The following SCN4A variants were observed in gnomAD, a reference collection of about 807,000 sequenced individuals.
The protein encoded by SCN4A is sodium channel protein type 4 subunit alpha.
A neutral mutation model predicts 162.0 loss-of-function variants in SCN4A; 83 were observed. The observed-to-expected ratio is 0.51, with a 90% CI of 0.43 to 0.61. SCN4A has a LOEUF of 0.61. Ranked by LOEUF, SCN4A falls within the 20% of genes least tolerant of loss-of-function variation. The pLI is 0.00. For synonymous variants in SCN4A, 944 were observed against 985.1 expected (o/e 0.96, Z 0.78); for missense variants, 2,196 against 2,462.5 (o/e 0.89, Z 2.29).
chr17:63,944,114 A>AC lies in SCN4A; in HGVS notation c.3913-265dup, dbSNP rs910121812. 1.3e-5 allele frequency among the ~76,000 whole-genome samples: 2 copies of AC among 151,370 alleles called. No homozygotes were observed. Among genetic ancestry groups the AC allele is most frequent in the African/African-American group, 4.9e-5 (2 of 41,210 alleles). Reference sequence around the variant, plus strand: ...CAACATCTCGCTGAGCCCTAGAGTAACCCACAAGGCAGGTTGTAGCAGCCT... The same window carrying AC: ...CAACATCTCGCTGAGCCCTAGAGTAACCCCACAAGGCAGGTTGTAGCAGCCT... On this transcript the variant is annotated intron_variant, in intron 21 of 23. Transcript: ENST00000435607. This position sits in a 1 kb window ranked among gnomAD's most constrained non-coding sequence, Gnocchi z 4.3.
intron 8 of SCN4A, 27 bp downstream of exon 8, chr17:63,966,075 T>C: frequency 8.3e-7 from 1 of 1,210,750 alleles, no homozygotes; most frequent in Non-Finnish European, 1.1e-6. Flanking sequence ...GCTGTAGGGT[T>C]GGGGGGCAGG....
intron 23 of SCN4A, 91 bp from the exon 24 acceptor site, chr17:63,942,084 G>A: frequency 7.9e-7 from 1 of 1,265,406 alleles, no homozygotes; most frequent in Admixed American, 2.8e-5. Context: ...GGCCCGGCCT[G>A]GTGTGCTCTG....
At position 63,964,479 on chromosome 17, in the gene SCN4A, C is replaced by A. The variant is rs368193040; in HGVS notation, c.1441G>T (p.Glu481Ter). 2.0e-5 allele frequency: 32 copies of A among 1,613,844 alleles called. No individual in the cohort carries two copies. Among genetic ancestry groups the A allele is most frequent in the Non-Finnish European group, 2.5e-5 (29 of 1,179,868 alleles). The change falls in exon 9 of 24, where the codon GAG (glutamate) becomes TAG (stop). Residue 481 changes from glutamate (E) to a stop codon, truncating the protein, a stop_gained. Coordinates refer to ENST00000435607, the MANE Select transcript of SCN4A (RefSeq NM_000334.4). LOFTEE classifies it high-confidence loss of function. ...MLEKFKKHQE[E>*]LEKAKAAQAL... is the part of the protein sequence containing the mutation. ...CCCTGAGTCCAGACCTTCTCCAGCT[C>A]CTCCTGGTGCTTTTTGAACTTCTCA... is the stretch of plus-strand genomic sequence containing the variant.
chr17:63,943,748 G>A lies in SCN4A; in HGVS notation c.4015C>T (p.Gln1339Ter). 6.3e-7 allele frequency: 1 copy of A among 1,596,314 alleles called. No individual in the cohort carries two copies. The highest frequency in any genetic ancestry group is 8.6e-7 in the Non-Finnish European group (1 of 1,164,016). ...KKPQKPIPRP[Q>*]NKIQGMVYDL... ...ACAGGGGGCCCAGAGGTCTGTACCT[G>A]GGGCCGGGGAATTGGCTTCTGAGGC... The change falls in exon 22 of 24, where the codon CAG (glutamine) becomes TAG (stop). Residue 1339 changes from glutamine (Q) to a stop codon, truncating the protein, a stop_gained and splice_region_variant. Coordinates refer to ENST00000435607, the MANE Select transcript of SCN4A (RefSeq NM_000334.4). LOFTEE classifies it high-confidence loss of function.
chr17:63,961,058 T>C (rs1213684556), intron 11 of SCN4A, 135 bp downstream of exon 11: 3 of 217,812 alleles, frequency 1.4e-5, no homozygotes, highest in African/African-American at 8.9e-5. Context: ...GCCTCCCATA[T>C]GCTGGGAAAA....
chr17:63,961,517 C>A, intron 10 of SCN4A, 86 bp from the exon 11 acceptor site: 2 of 952,984 alleles, frequency 2.1e-6, no homozygotes, highest in East Asian at 2.4e-5. Flanking sequence ...TTCCACCTTC[C>A]AAGCCCCGCC....
At chr17:63,969,523 A>T (rs1382560189) in intron 5 of SCN4A, among the ~76,000 whole-genome samples, 1 of 152,226 alleles carries the variant, frequency 6.6e-6, no homozygotes, top group Non-Finnish European at 1.5e-5. Context: ...TCAGTGGCCA[A>T]TGTACAGTGT....
Position 63,968,365 on chromosome 17 carries a change from G to A in SCN4A, c.704-10C>T, listed in dbSNP as rs1909520562. The A allele has an allele frequency of 1.3e-6, 2 of 1,579,056 alleles. No homozygotes were observed. The highest frequency in any genetic ancestry group is 2.7e-5 in the African/African-American group (2 of 74,500). ...ACGATCGTCTTCAGCCCTGACCGCA[G>A]AGAGGGCAAGGATATTGGCAGGGGG... On this transcript the variant is annotated splice_polypyrimidine_tract_variant and intron_variant, in intron 5 of 23. Transcript: ENST00000435607.
chr17:63,944,685 C>T lies in SCN4A; in HGVS notation c.3900G>A (p.Gln1300=). ...FIGVIIDNFN[Q]QKKKLGGKDI... is the part of the protein sequence containing the mutation. Reference sequence around the variant, plus strand: ...GGCTGATACTCATCTTCTTCTTCTGCTGGTTGAAGTTGTCAATGATGACGC... The same window carrying T: ...GGCTGATACTCATCTTCTTCTTCTGTTGGTTGAAGTTGTCAATGATGACGC... Residue 1300 remains glutamine (Q), a synonymous_variant, in exon 21 of 24, where the codon CAG becomes CAA. Coordinates refer to ENST00000435607, the MANE Select transcript of SCN4A (RefSeq NM_000334.4). The surrounding 1 kb of genome is among the most constrained non-coding windows in gnomAD (Gnocchi z 4.3). 1 of 1,606,390 alleles carries T rather than the reference C, an allele frequency of 6.2e-7. No individual in the cohort carries two copies. Among genetic ancestry groups the T allele is most frequent in the South Asian group, 1.1e-5 (1 of 89,742 alleles).
At chr17:63,943,951 C>T (rs1418075468) in intron 21 of SCN4A, 101 bp from the exon 22 acceptor site, 13 of 720,364 alleles carry the variant, frequency 1.8e-5, no homozygotes, top group South Asian at 3.1e-5. Flanking sequence ...AGGCAGCCCC[C>T]GCCCCTGTTG....
At chr17:63,949,257 C>T in intron 15 of SCN4A, 136 bp downstream of exon 15, 1 of 930,260 alleles carries the variant, frequency 1.1e-6, no homozygotes, top group Non-Finnish European at 1.6e-6. Context: ...TGCACTGCCA[C>T]CACCCCTAGA....
chr17:63,944,339 A>G lies in SCN4A; in HGVS notation c.3912+334T>C, dbSNP rs1180231231. The stretch of plus-strand genomic sequence containing the variant: ...TTTTAATTTTTTTTGTATTTTTAGT[A>G]TAGACAGGGTTTTACCACGTTAGCC... On this transcript the variant is annotated intron_variant, in intron 21 of 23. Transcript: ENST00000435607. The surrounding 1 kb of genome is among the most constrained non-coding windows in gnomAD (Gnocchi z 4.3). Among the ~76,000 whole-genome samples the G allele has an allele frequency of 1.3e-5, 2 of 152,042 alleles. No homozygotes were observed. Among genetic ancestry groups the G allele is most frequent in the Non-Finnish European group, 2.9e-5 (2 of 68,000 alleles).
At chr17:63,958,576 A>G (rs375635727) in intron 12 of SCN4A, among the ~76,000 whole-genome samples, 1 of 152,090 alleles carries the variant, frequency 6.6e-6, no homozygotes, top group African/African-American at 2.4e-5. Flanking sequence ...TTTTTGAGAC[A>G]GAGTCTCAAT....
In SCN4A at chr17:63,944,726, G is replaced by A. The variant is rs770551859; in HGVS notation, c.3859C>T (p.Leu1287Phe). Residue 1287 changes from leucine (L) to phenylalanine (F), a missense_variant, in exon 21 of 24, where the codon CTC becomes TTC. Coordinates refer to ENST00000435607, the MANE Select transcript of SCN4A (RefSeq NM_000334.4). The surrounding 1 kb of genome is among the most constrained non-coding windows in gnomAD (Gnocchi z 4.3). ...ATGATGACGCCAATGAAGAGGTTGA[G>A]GGTGAAGAAGGAGCCAAAGATGATG... The part of the protein sequence containing the change: ...IFIIFGSFFT[L>F]NLFIGVIIDN... The A allele has an allele frequency of 6.2e-7, 1 of 1,613,210 alleles. No homozygotes were observed. Among genetic ancestry groups the A allele is most frequent in the Admixed American group, 1.7e-5 (1 of 59,846 alleles).
chr17:63,964,761 C>A, intron 8 of SCN4A, 84 bp from the exon 9 acceptor site: 1 of 1,080,502 alleles, frequency 9.3e-7, no homozygotes, highest in Non-Finnish European at 1.4e-6. Context: ...CATCCATTGC[C>A]CGCATGGGTA....
At chr17:63,948,287 A>G (rs919805314) in intron 16 of SCN4A, among the ~76,000 whole-genome samples, 2 of 151,978 alleles carry the variant, frequency 1.3e-5, no homozygotes, top group Non-Finnish European at 2.9e-5. Flanking sequence ...GCCCAACAAC[A>G]GCAAATTGCC....
At chr17:63,970,976 G>A (rs960057338) in intron 5 of SCN4A, among the ~76,000 whole-genome samples, 186 bp downstream of exon 5, 3 of 152,274 alleles carry the variant, frequency 2.0e-5, no homozygotes, top group Middle Eastern at 6.8e-3. Flanking sequence ...CCTCTCAAAC[G>A]CCCATCCTTC....
chr17:63,952,933 C>T (rs1194193583), intron 13 of SCN4A, among the ~76,000 whole-genome samples: 2 of 152,220 alleles, frequency 1.3e-5, no homozygotes, highest in Non-Finnish European at 2.9e-5. Context: ...TTTGAAACCA[C>T]ATTGCAGGGC....
rs1002005705 is a variant in SCN4A, at chr17:63,944,287, C to G, written c.3912+386G>C. ...CCTGAGTAGCTGGGATTACAGATGC[C>G]TGCCACCACGCCTGGCTAATTTCTT... On this transcript the variant is annotated intron_variant, in intron 21 of 23. Coordinates refer to ENST00000435607, the MANE Select transcript of SCN4A (RefSeq NM_000334.4). The surrounding 1 kb of genome is among the most constrained non-coding windows in gnomAD (Gnocchi z 4.3). Among the ~76,000 whole-genome samples the G allele has an allele frequency of 6.6e-6, 1 of 152,080 alleles. No individual in the cohort carries two copies. Among genetic ancestry groups the G allele is most frequent in the African/African-American group, 2.4e-5 (1 of 41,396 alleles).
Sources: gnomAD v4.1 joint callset for allele counts (sites outside exome capture counted in the v4.1 genomes callset) on GRCh38, gnomAD v4.1.1 for gene constraint, Gnocchi (gnomAD v3.1) non-coding constraint, MANE v1.5 for transcripts, NCBI Gene and HGNC (gene_info 2026-07-23, HGNC 2026-07-21) for gene names.